Variants in SPOCK3 observed in about 807,000 individuals in gnomAD.
SPOCK3 encodes testican-3.
SPOCK3 carries 30 observed loss-of-function variants against 56.6 expected under a neutral mutation model. That is an observed-to-expected ratio of 0.53 (90% CI 0.40 to 0.72). The LOEUF is 0.72. SPOCK3 is among the 30% of genes least tolerant of loss of function. The pLI is 0.00. For synonymous variants in SPOCK3, 196 were observed against 183.3 expected (o/e 1.07, Z -0.56); for missense variants, 527 against 530.0 (o/e 0.99, Z 0.06).
At chr4:166,802,531 G>A (rs1218407614) in intron 6 of SPOCK3, among the ~76,000 whole-genome samples, 1 of 152,126 alleles carries the variant, frequency 6.6e-6, no homozygotes, top group South Asian at 2.1e-4. Flanking sequence ...TCACATGGCA[G>A]AAAGGCTAAC....
intron 2 of SPOCK3, among the ~76,000 whole-genome samples, chr4:167,089,676 T>C (rs2150307228): frequency 6.6e-6 from 1 of 152,284 alleles, no homozygotes; most frequent in East Asian, 1.9e-4. Context: ...TATTTCTCCC[T>C]TTAGATGTAC....
chr4:166,842,701 G>T (rs1747572850), intron 6 of SPOCK3, among the ~76,000 whole-genome samples: 1 of 152,214 alleles, frequency 6.6e-6, no homozygotes, highest in Non-Finnish European at 1.5e-5. Context: ...GTGCTGATTG[G>T]TGCATATACA....
chr4:166,803,765 C>T (rs537625874), intron 6 of SPOCK3, among the ~76,000 whole-genome samples: 1 of 152,032 alleles, frequency 6.6e-6, no homozygotes, highest in African/African-American at 2.4e-5. Flanking sequence ...AATAATGCAA[C>T]CAAAATGCTA....
At chr4:167,217,996 C>A (rs1488842582) in intron 2 of SPOCK3, among the ~76,000 whole-genome samples, 1 of 151,650 alleles carries the variant, frequency 6.6e-6, no homozygotes, top group Non-Finnish European at 1.5e-5. Flanking sequence ...CAGTATAGTC[C>A]AAAAATAAAA....
chr4:167,163,666 A>G (rs1765515326), intron 2 of SPOCK3, among the ~76,000 whole-genome samples: 1 of 152,032 alleles, frequency 6.6e-6, no homozygotes, highest in South Asian at 2.1e-4. Flanking sequence ...GCTCCTACAA[A>G]TAATTAAGAA....
chr4:167,142,374 T>A (rs1383353193), intron 2 of SPOCK3, among the ~76,000 whole-genome samples: 1 of 151,918 alleles, frequency 6.6e-6, no homozygotes, highest in African/African-American at 2.4e-5. Context: ...TCATCATGCT[T>A]TTATGGTAAT....
intron 4 of SPOCK3, among the ~76,000 whole-genome samples, chr4:166,961,285 G>T (rs1744123415): frequency 6.6e-6 from 1 of 151,592 alleles, no homozygotes; most frequent in African/African-American, 2.4e-5. Flanking sequence ...AAACATGAGT[G>T]CATAGAATAC....
intron 3 of SPOCK3, among the ~76,000 whole-genome samples, chr4:167,041,409 A>G (rs1444476024): frequency 6.6e-6 from 1 of 152,146 alleles, no homozygotes; most frequent in East Asian, 1.9e-4. Context: ...AGGCTACATG[A>G]TATCTTGAAA....
At chr4:167,184,980 GC>G (rs1731825159) in intron 2 of SPOCK3, among the ~76,000 whole-genome samples, 1 of 152,140 alleles carries the variant, frequency 6.6e-6, no homozygotes, top group Non-Finnish European at 1.5e-5. Context: ...AAAACCCCCT[GC>G]CCCTCCCTAT....
At chr4:166,804,955 G>T (rs758024480) in intron 6 of SPOCK3, among the ~76,000 whole-genome samples, 4 of 151,434 alleles carry the variant, frequency 2.6e-5, no homozygotes, top group African/African-American at 9.8e-5. Flanking sequence ...CTGAAAATAT[G>T]TTAATTTATT....
chr4:166,739,012 A>G (rs1424163832), intron 9 of SPOCK3, among the ~76,000 whole-genome samples: 2 of 151,934 alleles, frequency 1.3e-5, no homozygotes, highest in African/African-American at 4.8e-5. Context: ...GTCAAATGGT[A>G]TTTCTAGTTC....
At chr4:167,068,011 AAT>A (rs1198840771) in intron 2 of SPOCK3, among the ~76,000 whole-genome samples, 3 of 151,772 alleles carry the variant, frequency 2.0e-5, no homozygotes, top group African/African-American at 7.2e-5. Context: ...CTCACTGTTT[AAT>A]GAGTGATCTT....
At chr4:167,153,926 C>A (rs1388089147) in intron 2 of SPOCK3, among the ~76,000 whole-genome samples, 1 of 134,514 alleles carries the variant, frequency 7.4e-6, no homozygotes, top group Non-Finnish European at 1.6e-5. Flanking sequence ...GCTTTAATCA[C>A]TGTCAGAGCC....
At chr4:166,930,890 A>G (rs570568365) in intron 4 of SPOCK3, among the ~76,000 whole-genome samples, 16 of 152,270 alleles carry the variant, frequency 1.1e-4, no homozygotes, top group Non-Finnish European at 2.1e-4. Context: ...AAATGTGTCA[A>G]TTTGTCATTT....
At chr4:166,950,115 G>T (rs1001176879) in intron 4 of SPOCK3, among the ~76,000 whole-genome samples, 4 of 151,338 alleles carry the variant, frequency 2.6e-5, no homozygotes, top group South Asian at 2.1e-4. Context: ...TGGACTAAAT[G>T]CTCCAATTAA....
At chr4:167,030,085 C>CTATCTATCTATT (rs199643624) in intron 3 of SPOCK3, among the ~76,000 whole-genome samples, 7,047 of 87,214 alleles carry the variant, frequency 0.081, 499 homozygotes, top group African/African-American at 0.22. Context: ...ATGGCTCATT[C>CTATCTATCTATT]TATCTATCTA....
At chr4:167,160,457 C>G (rs1221923814) in intron 2 of SPOCK3, among the ~76,000 whole-genome samples, 2 of 152,040 alleles carry the variant, frequency 1.3e-5, no homozygotes, top group South Asian at 4.1e-4. Flanking sequence ...GTGAAGATGG[C>G]CATACTGCCC....
chr4:167,028,374 AAAC>A (rs534517585), intron 3 of SPOCK3, among the ~76,000 whole-genome samples: 3,217 of 139,152 alleles, frequency 0.023, 39 homozygotes, highest in African/African-American at 0.039. Flanking sequence ...GAAACCGGTA[AAAC>A]AACAACAACA....
intron 3 of SPOCK3, among the ~76,000 whole-genome samples, chr4:167,050,988 T>C (rs1382098884): frequency 6.6e-6 from 1 of 151,976 alleles, no homozygotes; most frequent in East Asian, 1.9e-4. Flanking sequence ...ATGAAAAGAG[T>C]CCTGGAGATG....
Sources: gnomAD v4.1 joint callset for allele counts (sites outside exome capture counted in the v4.1 genomes callset) on GRCh38, gnomAD v4.1.1 for gene constraint, MANE v1.5 for transcripts, NCBI Gene and HGNC (gene_info 2026-07-23, HGNC 2026-07-21) for gene names.